The following FARS2 variants were observed in gnomAD, a reference collection of about 807,000 sequenced individuals.
The protein encoded by FARS2 is phenylalanine--tRNA ligase, mitochondrial.
A neutral mutation model predicts 46.4 loss-of-function variants in FARS2; 40 were observed. That is an observed-to-expected ratio of 0.86 (90% CI 0.67 to 1.12). The LOEUF is 1.12. Among genes scored for constraint, FARS2 ranks in the 50% most tolerant of loss-of-function variants. FARS2 has a pLI of 0.00. For missense variants in FARS2, 513 were observed against 567.9 expected (o/e 0.90, Z 0.98); for synonymous variants, 234 against 214.9 (o/e 1.09, Z -0.78).
At chr6:5,429,223 CTT>C (rs1241473769) in intron 3 of FARS2, among the ~76,000 whole-genome samples, 3 of 152,088 alleles carry the variant, frequency 2.0e-5, no homozygotes, top group Non-Finnish European at 4.4e-5. Flanking sequence ...ACATTATACA[CTT>C]TATATCTGTG....
chr6:5,477,880 C>T (rs577501767), intron 4 of FARS2, among the ~76,000 whole-genome samples: 9 of 151,822 alleles, frequency 5.9e-5, no homozygotes, highest in Non-Finnish European at 8.8e-5. Context: ...ATGAGCTGGG[C>T]GTGGTGGTGT....
intron 6 of FARS2, among the ~76,000 whole-genome samples, chr6:5,705,659 C>A (rs1032790024): frequency 6.6e-6 from 1 of 152,214 alleles, no homozygotes; most frequent in African/African-American, 2.4e-5. Context: ...TTGGTCCCAT[C>A]ATATTCCCAA....
At chr6:5,735,195 C>G (rs904286602) in intron 6 of FARS2, among the ~76,000 whole-genome samples, 6 of 152,222 alleles carry the variant, frequency 3.9e-5, no homozygotes, top group African/African-American at 1.4e-4. Context: ...AGAATTACAT[C>G]TATGCAATAT....
At chr6:5,672,055 T>C (rs750757322) in intron 6 of FARS2, among the ~76,000 whole-genome samples, 6 of 152,158 alleles carry the variant, frequency 3.9e-5, no homozygotes, top group Non-Finnish European at 5.9e-5. Context: ...AAGGTAGCAG[T>C]TGGAAAAAGT....
At chr6:5,622,269 C>T (rs944614090) in intron 6 of FARS2, among the ~76,000 whole-genome samples, 4 of 152,214 alleles carry the variant, frequency 2.6e-5, no homozygotes, top group African/African-American at 4.8e-5. Context: ...CCTCTTTCTC[C>T]GACCTGCCAC....
rs1760594277 is a variant in FARS2, at chr6:5,731,127, C to A, written c.1218-40164C>A. Among the ~76,000 whole-genome samples the A allele has an allele frequency of 2.0e-5, 3 of 152,172 alleles. No homozygotes were observed. In the South Asian group the frequency reaches 6.2e-4, roughly 32 times the overall value. Reference sequence around the variant, plus strand: ...AGAGTCAGCTGATCTGAGAAAGTGACAAGCATTGGTCATTTCAGAGAAACC... The same window carrying A: ...AGAGTCAGCTGATCTGAGAAAGTGAAAAGCATTGGTCATTTCAGAGAAACC... On this transcript the variant is annotated intron_variant, in intron 6 of 6. Transcript: ENST00000274680.
chr6:5,409,903 C>T (rs1379471118), intron 3 of FARS2, among the ~76,000 whole-genome samples: 1 of 152,088 alleles, frequency 6.6e-6, no homozygotes, highest in Non-Finnish European at 1.5e-5. Flanking sequence ...GTGAGCTTGT[C>T]CCCGACCGTG....
chr6:5,489,993 A>C (rs182972645), intron 4 of FARS2, among the ~76,000 whole-genome samples: 2 of 152,186 alleles, frequency 1.3e-5, no homozygotes, highest in Non-Finnish European at 2.9e-5. Context: ...GCGTAGGCAC[A>C]ATATCAAGAT....
intron 6 of FARS2, among the ~76,000 whole-genome samples, chr6:5,758,248 G>A (rs1762310733): frequency 6.6e-6 from 1 of 151,992 alleles, no homozygotes. Flanking sequence ...GCCACATCAG[G>A]AACCATATCT....
At chr6:5,505,833 TGA>T (rs1181870853) in intron 4 of FARS2, among the ~76,000 whole-genome samples, 1 of 152,194 alleles carries the variant, frequency 6.6e-6, no homozygotes, top group African/African-American at 2.4e-5. Flanking sequence ...TGGTTTTTCC[TGA>T]GACTCCCCTT....
At chr6:5,737,399 C>T (rs1761023249) in intron 6 of FARS2, among the ~76,000 whole-genome samples, 1 of 152,192 alleles carries the variant, frequency 6.6e-6, no homozygotes, top group African/African-American at 2.4e-5. Context: ...TACGTGGTGG[C>T]ATGTGCCTGT....
At chr6:5,682,751 G>A (rs954946037) in intron 6 of FARS2, among the ~76,000 whole-genome samples, 4 of 152,228 alleles carry the variant, frequency 2.6e-5, no homozygotes, top group East Asian at 1.9e-4. Context: ...CAGGCATTGC[G>A]AAAGACAGAC....
In FARS2 at chr6:5,543,191, C is replaced by T. The variant is rs192413671; in HGVS notation, c.905-1989C>T. 2.6e-4 allele frequency among the ~76,000 whole-genome samples: 39 copies of T among 152,230 alleles called. 1 individual carries two copies. The East Asian group carries it at 6.8e-3, about 26-fold the overall frequency. On this transcript the variant is annotated intron_variant, in intron 4 of 6. Coordinates refer to ENST00000274680, the MANE Select transcript of FARS2 (RefSeq NM_006567.5). ...TGTCTGTAGCTTATAGCCTGTGTTC[C>T]CATTTGTCTTGATGATTGCCTTGAT...
chr6:5,277,427 G>A (rs1387943711), intron 1 of FARS2, among the ~76,000 whole-genome samples: 1 of 152,110 alleles, frequency 6.6e-6, no homozygotes, highest in Non-Finnish European at 1.5e-5. Flanking sequence ...TTACAAATGG[G>A]TGGTTGCAGA....
intron 6 of FARS2, among the ~76,000 whole-genome samples, chr6:5,628,523 C>G (rs965996774): frequency 6.6e-6 from 1 of 152,214 alleles, no homozygotes; most frequent in Admixed American, 6.5e-5. Context: ...GCCCCGTGGA[C>G]AGATCTGAAG....
intron 6 of FARS2, among the ~76,000 whole-genome samples, chr6:5,702,482 T>C (rs1758504968): frequency 6.6e-6 from 1 of 152,252 alleles, no homozygotes; most frequent in African/African-American, 2.4e-5. Context: ...TAATTTTTCT[T>C]GGATAATTAA....
At chr6:5,699,316 C>G (rs984601330) in intron 6 of FARS2, among the ~76,000 whole-genome samples, 1 of 152,180 alleles carries the variant, frequency 6.6e-6, no homozygotes, top group African/African-American at 2.4e-5. Flanking sequence ...CCTCTTTGCA[C>G]AGTTCAGCTT....
chr6:5,292,520 T>G (rs747253024), intron 1 of FARS2, among the ~76,000 whole-genome samples: 34 of 152,278 alleles, frequency 2.2e-4, no homozygotes, highest in Non-Finnish European at 3.1e-4. Flanking sequence ...TATGAGGAAT[T>G]GAAGAGAAGG....
At chr6:5,296,950 T>C (rs879392697) in intron 1 of FARS2, among the ~76,000 whole-genome samples, 1 of 152,214 alleles carries the variant, frequency 6.6e-6, no homozygotes, top group Non-Finnish European at 1.5e-5. Flanking sequence ...AAACGTGGAA[T>C]TGCTTGATCA....
Sources: allele counts gnomAD v4.1 joint callset (sites outside exome capture counted in the v4.1 genomes callset), GRCh38; gene constraint gnomAD v4.1.1; transcripts MANE v1.5; gene names NCBI Gene and HGNC (gene_info 2026-07-23, HGNC 2026-07-21).